MYO3B: variants seen among roughly 807,000 people sequenced by gnomAD.
The protein encoded by MYO3B is myosin-IIIb.
Under a neutral mutation model 174.6 loss-of-function variants are expected in MYO3B, and 156 were observed. The observed-to-expected ratio is 0.89, with a 90% confidence interval of 0.78 to 1.02. The LOEUF (loss-of-function observed/expected upper bound fraction) is 1.02. Among genes scored for constraint, MYO3B ranks in the 50% least tolerant of loss-of-function variants. MYO3B has a pLI of 0.00. For missense variants in MYO3B, 1,632 were observed against 1,639.4 expected (o/e 1.00, Z 0.08); for synonymous variants, 563 against 569.1 (o/e 0.99, Z 0.15).
At chr2:170,447,540 G>A (rs1475432821) in intron 23 of MYO3B, among the ~76,000 whole-genome samples, 1 of 152,204 alleles carries the variant, frequency 6.6e-6, no homozygotes, top group Non-Finnish European at 1.5e-5. Flanking sequence ...GTATCCAAGA[G>A]TAAACTTAGT....
At chr2:170,520,478 CAT>C (rs576476348) in intron 30 of MYO3B, among the ~76,000 whole-genome samples, 2 of 151,196 alleles carry the variant, frequency 1.3e-5, no homozygotes, top group East Asian at 3.9e-4. Flanking sequence ...TATATATACA[CAT>C]ATATATATAC....
At chr2:170,619,114 C>T (rs774309870) in intron 32 of MYO3B, among the ~76,000 whole-genome samples, 112 of 152,286 alleles carry the variant, frequency 7.4e-4, no homozygotes, top group Middle Eastern at 3.4e-3. Context: ...AGAGCTGTGG[C>T]AAGATGAGGG....
intron 30 of MYO3B, among the ~76,000 whole-genome samples, chr2:170,525,919 T>C (rs1461541894): frequency 1.3e-5 from 2 of 152,082 alleles, no homozygotes; most frequent in Non-Finnish European, 2.9e-5. Flanking sequence ...ACAGAACAAA[T>C]CCTCCAGCAA....
chr2:170,525,966 C>T (rs1040080816), intron 30 of MYO3B, among the ~76,000 whole-genome samples: 2 of 152,088 alleles, frequency 1.3e-5, no homozygotes, highest in African/African-American at 4.8e-5. Flanking sequence ...TGCACTAACA[C>T]GTTAGAGGAC....
At chr2:170,294,396 G>A (rs2093615624) in intron 7 of MYO3B, among the ~76,000 whole-genome samples, 1 of 151,460 alleles carries the variant, frequency 6.6e-6, no homozygotes, top group South Asian at 2.1e-4. Flanking sequence ...GTTCTAATTA[G>A]TTCCTAGTTT....
chr2:170,532,796 A>G (rs1258638679), intron 30 of MYO3B, among the ~76,000 whole-genome samples: 1 of 148,782 alleles, frequency 6.7e-6, no homozygotes, highest in Non-Finnish European at 1.5e-5. Context: ...AGTCTGGGCA[A>G]CAAGAGTGAA....
chr2:170,424,075 T>C (rs2094641252), intron 22 of MYO3B, among the ~76,000 whole-genome samples: 1 of 152,226 alleles, frequency 6.6e-6, no homozygotes. Context: ...GAATATCCAA[T>C]AGGTATCTTT....
chr2:170,598,358 A>C (rs1372957429), intron 32 of MYO3B, among the ~76,000 whole-genome samples: 2 of 152,350 alleles, frequency 1.3e-5, no homozygotes, highest in African/African-American at 2.4e-5. Flanking sequence ...CCTGCAATGC[A>C]CAGTGCTTGG....
chr2:170,343,009 A>G (rs1207211106), intron 8 of MYO3B, among the ~76,000 whole-genome samples: 1 of 149,258 alleles, frequency 6.7e-6, no homozygotes, highest in African/African-American at 2.5e-5. Flanking sequence ...CAGCTCACTT[A>G]CTTCCACAGT....
intron 28 of MYO3B, among the ~76,000 whole-genome samples, chr2:170,512,881 G>A (rs1273777744): frequency 6.6e-6 from 1 of 152,116 alleles, no homozygotes; most frequent in Non-Finnish European, 1.5e-5. Flanking sequence ...GTGACTTTGG[G>A]CAAGTCATTT....
intron 7 of MYO3B, among the ~76,000 whole-genome samples, chr2:170,253,098 T>C (rs1343192930): frequency 6.6e-6 from 1 of 152,222 alleles, no homozygotes; most frequent in East Asian, 1.9e-4. Context: ...ATCTTCTGCA[T>C]ACTATGTGGA....
chr2:170,519,433 C>G lies in MYO3B; in HGVS notation c.3473-5C>G, dbSNP rs1371245931. The G allele has an allele frequency of 6.2e-7, 1 of 1,612,838 alleles. No homozygotes were observed. The highest frequency in any genetic ancestry group is 1.3e-5 in the African/African-American group (1 of 74,846). ...TATGCTTAGCCCTCCTTTCTTTTCT[C>G]TCAGTTCTCAGGGGCTCTGTACATC... On this transcript the variant is annotated splice_region_variant and splice_polypyrimidine_tract_variant and intron_variant, in intron 29 of 34. Coordinates refer to ENST00000408978, the MANE Select transcript of MYO3B (RefSeq NM_138995.5).
chr2:170,342,541 A>T (rs1304011178), intron 8 of MYO3B, among the ~76,000 whole-genome samples: 1 of 150,454 alleles, frequency 6.6e-6, no homozygotes, highest in African/African-American at 2.4e-5. Context: ...TCTTGGAAAG[A>T]TATTTAACCT....
intron 26 of MYO3B, among the ~76,000 whole-genome samples, chr2:170,499,445 A>G (rs537760999): frequency 1.2e-4 from 19 of 152,318 alleles, no homozygotes; most frequent in African/African-American, 3.6e-4. Context: ...TCATCTATTT[A>G]CATCAATTAT....
chr2:170,327,495 A>G (rs1296191974), intron 7 of MYO3B, among the ~76,000 whole-genome samples: 3 of 62,644 alleles, frequency 4.8e-5, no homozygotes, highest in East Asian at 3.0e-3. Flanking sequence ...ATAGTTATTA[A>G]TCATAGAAGC....
Position 170,199,317 on chromosome 2 carries a change from T to C in MYO3B, c.112T>C (p.Tyr38His). 1 of 1,613,460 alleles carries C rather than the reference T, an allele frequency of 6.2e-7. No individual in the cohort carries two copies. Among genetic ancestry groups the C allele is most frequent in the Non-Finnish European group, 8.5e-7 (1 of 1,179,572 alleles). Residue 38 changes from tyrosine (Y) to histidine (H), a missense_variant, in exon 2 of 35, where the codon TAT (tyrosine) becomes CAT (histidine). Transcript: ENST00000408978. ...TATAGAGACCATTGGTAAAGGCACC[T>C]ATGGCAAAGTCTACAAGGTAACTAA... Reference protein sequence around the residue: ...EIIETIGKGTYGKVYKVTNKR... With the variant: ...EIIETIGKGTHGKVYKVTNKR...
intron 23 of MYO3B, among the ~76,000 whole-genome samples, chr2:170,448,364 C>T (rs1683380122): frequency 2.0e-5 from 3 of 152,006 alleles, no homozygotes; most frequent in Admixed American, 2.0e-4. Context: ...AGTTTCAGTC[C>T]CTTTCTTTGG....
intron 30 of MYO3B, among the ~76,000 whole-genome samples, chr2:170,533,529 C>T (rs1174311600): frequency 1.3e-5 from 2 of 152,016 alleles, no homozygotes; most frequent in Non-Finnish European, 2.9e-5. Flanking sequence ...AAGTCTATGC[C>T]TTGGCCTAAT....
At chr2:170,370,124 T>G (rs946751122) in intron 9 of MYO3B, among the ~76,000 whole-genome samples, 3 of 152,192 alleles carry the variant, frequency 2.0e-5, no homozygotes, top group Non-Finnish European at 4.4e-5. Context: ...AAAAATTAAA[T>G]GCAAATAAAC....
Sources: gnomAD v4.1 joint callset for allele counts (sites outside exome capture counted in the v4.1 genomes callset) on GRCh38, gnomAD v4.1.1 for gene constraint, MANE v1.5 for transcripts, NCBI Gene and HGNC (gene_info 2026-07-23, HGNC 2026-07-21) for gene names.